PCDH15: variants seen among roughly 807,000 people sequenced by gnomAD.
PCDH15 encodes the protein protocadherin related 15.
Under a neutral mutation model 178.5 loss-of-function variants are expected in PCDH15, and 129 were observed. The ratio of observed to expected loss-of-function variants is 0.72; its 90% confidence interval spans 0.63 to 0.84. The LOEUF (loss-of-function observed/expected upper bound fraction) is 0.84, where lower values mean the gene tolerates loss of function less well. Among genes scored for constraint, PCDH15 ranks in the 40% least tolerant of loss-of-function variants. The pLI is 0.00. For missense variants in PCDH15, 2,230 were observed against 2,099.9 expected, an observed-to-expected ratio of 1.06 and a Z score of -1.21; for synonymous variants, 800 against 732.0, an observed-to-expected ratio of 1.09 and a Z score of -1.50.
At chr10:54,906,488 T>A (rs942998376) in intron 2 of PCDH15, among the ~76,000 whole-genome samples, 2 of 152,176 alleles carry the variant, frequency 1.3e-5, no homozygotes, top group Non-Finnish European at 2.9e-5. Flanking sequence ...TTGATGATTT[T>A]AAATTTTATT....
intron 13 of PCDH15, among the ~76,000 whole-genome samples, chr10:54,161,885 A>G (rs10825245): frequency 0.64 from 96,961 of 151,882 alleles, 32,428 homozygotes; most frequent in East Asian, 0.89. Context: ...TTTATCTCCC[A>G]TTCTCCTCAG....
At chr10:55,442,066 T>C (rs963839694) in intron 2 of PCDH15, among the ~76,000 whole-genome samples, 2 of 152,138 alleles carry the variant, frequency 1.3e-5, no homozygotes, top group African/African-American at 4.8e-5. Context: ...TTTGGCATTC[T>C]GGCCCCAAAA....
At chr10:54,955,425 T>G (rs557453533) in intron 2 of PCDH15, among the ~76,000 whole-genome samples, 59 of 151,536 alleles carry the variant, frequency 3.9e-4, no homozygotes, top group Non-Finnish European at 3.9e-4. Context: ...GTGATTGTTT[T>G]GTTTACCTAC....
At chr10:55,358,917 C>A (rs868141392) in intron 2 of PCDH15, among the ~76,000 whole-genome samples, 3 of 152,078 alleles carry the variant, frequency 2.0e-5, no homozygotes, top group Non-Finnish European at 2.9e-5. Flanking sequence ...AAGGACCATG[C>A]ATGATGGCTC....
chr10:54,519,214 C>A (rs2082571327), intron 3 of PCDH15, among the ~76,000 whole-genome samples: 1 of 152,042 alleles, frequency 6.6e-6, no homozygotes, highest in African/African-American at 2.4e-5. Context: ...CTGGCCAGGG[C>A]AATGAGGCAG....
At chr10:54,731,545 G>GATATATATATATATAGATATATATATAT (rs1943352843) in intron 1 of PCDH15, among the ~76,000 whole-genome samples, 1 of 80,256 alleles carries the variant, frequency 1.2e-5, no homozygotes, top group African/African-American at 4.7e-5. Context: ...ATGTGAGATA[G>GATATATATATATATAGATATATATATAT]ATATATATAT....
Position 54,398,779 on chromosome 10 carries a change from A to AATC in PCDH15, c.158-19840_158-19838dup, listed in dbSNP as rs1411243417. ...CCAAATATTCTGGTAGCCTAGAAAT[A>AATC]ATCAATAGCCTTGCAGACAACCAAG... On this transcript the variant is annotated intron_variant, in intron 3 of 37. Coordinates refer to ENST00000644397, the MANE Select transcript of PCDH15 (RefSeq NM_001384140.1). Among the ~76,000 whole-genome samples the AATC allele has an allele frequency of 8.5e-5, 13 of 152,218 alleles. No individual in the cohort carries two copies. The East Asian group carries it at 1.5e-3, about 18-fold the overall frequency.
At chr10:53,934,803 T>C (rs942604314) in intron 25 of PCDH15, among the ~76,000 whole-genome samples, 3 of 152,122 alleles carry the variant, frequency 2.0e-5, no homozygotes, top group African/African-American at 7.2e-5. Context: ...TCCGGGCTGC[T>C]TTCCTTGTGC....
At chr10:54,342,009 G>T (rs1354592583) in intron 6 of PCDH15, among the ~76,000 whole-genome samples, 1 of 152,192 alleles carries the variant, frequency 6.6e-6, no homozygotes, top group East Asian at 1.9e-4. Context: ...TGTGAAACTG[G>T]AACTTATGTT....
intron 1 of PCDH15, among the ~76,000 whole-genome samples, chr10:55,190,357 G>C (rs72801693): frequency 0.11 from 16,934 of 151,170 alleles, 1,059 homozygotes; most frequent in East Asian, 0.25. Flanking sequence ...TTATCCAGGG[G>C]TATATATATG....
At chr10:54,890,516 T>C (rs1232591247) in intron 3 of PCDH15, among the ~76,000 whole-genome samples, 1 of 152,050 alleles carries the variant, frequency 6.6e-6, no homozygotes, top group Non-Finnish European at 1.5e-5. Context: ...TTTTGCTGGT[T>C]ATTATGAGAA....
In PCDH15 at chr10:54,769,442, AT is replaced by A. The variant is rs1200421331; in HGVS notation, c.-29+31482del. On this transcript the variant is annotated intron_variant, in intron 1 of 37. Transcript: ENST00000644397. ...GGATGTTTCTCAGGAACATCCTGAG[AT>A]TTTTTTTTTTTTCAAAAATTAGTGA... is the stretch of plus-strand genomic sequence containing the variant. Among the ~76,000 whole-genome samples, 94 of 143,596 alleles carry A rather than the reference AT, an allele frequency of 6.5e-4. No individual in the cohort carries two copies. The East Asian group carries it at 7.5e-3, about 11-fold the overall frequency. The allele number at this position is 143,596 out of a possible 152,430, so 94.2% of individuals were successfully genotyped here. A position where few individuals can be genotyped will look rare whatever the true frequency, so the allele number is the denominator to read the frequency against.
At chr10:54,467,060 T>C (rs925736119) in intron 3 of PCDH15, among the ~76,000 whole-genome samples, 21 of 151,966 alleles carry the variant, frequency 1.4e-4, no homozygotes, top group African/African-American at 5.1e-4. Context: ...TTAGGTAAAA[T>C]GTTTAGATTT....
intron 11 of PCDH15, among the ~76,000 whole-genome samples, chr10:54,186,285 T>G (rs1157421526): frequency 6.6e-6 from 1 of 152,098 alleles, no homozygotes; most frequent in Middle Eastern, 3.4e-3. Context: ...AAAACACTTC[T>G]TTAAGTCTGA....
chr10:55,166,268 C>A (rs1309664327), intron 2 of PCDH15, among the ~76,000 whole-genome samples: 1 of 152,056 alleles, frequency 6.6e-6, no homozygotes, highest in Admixed American at 6.6e-5. Context: ...GAGAATGAAA[C>A]AATCAATGAA....
rs887882687 is a variant in PCDH15 at position 54,132,785 on chromosome 10, C to A, written c.1917+90G>T. 1.3e-6 allele frequency: 2 copies of A among 1,538,278 alleles called. 1 individual carries two copies. The highest frequency in any genetic ancestry group is 1.8e-6 in the Non-Finnish European group (2 of 1,139,890). On this transcript the variant is annotated intron_variant, in intron 15 of 37. Transcript: ENST00000644397. ...TGGAGGCAAGCATGTGAGGTTTCTCCCTCCATACACAAATATAAACTCATT... is the reference window on the plus strand; with the variant it reads ...TGGAGGCAAGCATGTGAGGTTTCTCACTCCATACACAAATATAAACTCATT...
At chr10:54,351,774 A>G (rs1257340281) in intron 5 of PCDH15, among the ~76,000 whole-genome samples, 1 of 152,044 alleles carries the variant, frequency 6.6e-6, no homozygotes, top group East Asian at 1.9e-4. Context: ...TTTTGCTTCC[A>G]TGAAGAAAAA....
intron 20 of PCDH15, among the ~76,000 whole-genome samples, chr10:54,015,949 G>T (rs575821006): frequency 6.6e-6 from 1 of 151,552 alleles, no homozygotes; most frequent in African/African-American, 2.4e-5. Context: ...AAAACAAAAC[G>T]AAACAAAAAA....
intron 2 of PCDH15, among the ~76,000 whole-genome samples, chr10:55,147,175 G>A (rs952869011): frequency 5.3e-5 from 8 of 151,338 alleles, no homozygotes; most frequent in Non-Finnish European, 7.4e-5. Flanking sequence ...TATGACTGGT[G>A]TGTCTAGACT....
Sources: gnomAD v4.1 joint callset for allele counts (sites outside exome capture counted in the v4.1 genomes callset) on GRCh38, gnomAD v4.1.1 for gene constraint, MANE v1.5 for transcripts, NCBI Gene and HGNC (gene_info 2026-07-23, HGNC 2026-07-21) for gene names.